Variants in PLEKHA8 observed in about 807,000 individuals in gnomAD.
PLEKHA8 encodes the protein pleckstrin homology domain containing A8, also known as pleckstrin homology domain-containing family A member 8.
Under a neutral mutation model 68.2 loss-of-function variants are expected in PLEKHA8, and 36 were observed. The observed-to-expected ratio is 0.53, with a 90% CI of 0.40 to 0.70. The LOEUF (loss-of-function observed/expected upper bound fraction) is 0.70, where lower values mean the gene tolerates loss of function less well. Among genes scored for constraint, PLEKHA8 ranks in the 30% least tolerant of loss-of-function variants. The pLI, the probability that PLEKHA8 is intolerant of heterozygous loss-of-function variation, is 0.00. For missense variants in PLEKHA8, 505 were observed against 615.4 expected, an observed-to-expected ratio of 0.82 and a Z score of 1.90; for synonymous variants, 211 against 216.1, an observed-to-expected ratio of 0.98 and a Z score of 0.20.
At chr7:30,118,897 GA>G (rs1196934411) in intron 13 of PLEKHA8, among the ~76,000 whole-genome samples, 3 of 152,214 alleles carry the variant, frequency 2.0e-5, no homozygotes, top group Admixed American at 2.0e-4. Context: ...TAAGTTACGT[GA>G]CACAGTTTTA....
chr7:30,107,163 A>C (rs943857911), intron 13 of PLEKHA8, among the ~76,000 whole-genome samples: 12 of 152,130 alleles, frequency 7.9e-5, no homozygotes, highest in African/African-American at 2.9e-4. Context: ...CTACCAATGA[A>C]TATAGTTTAT....
chr7:30,060,966 TG>T, intron 10 of PLEKHA8, 24 bp downstream of exon 10: 1 of 1,604,440 alleles, frequency 6.2e-7, no homozygotes, highest in Non-Finnish European at 8.5e-7. Context: ...TTTGTCTCTG[TG>T]GAAACTTTTA....
In PLEKHA8 at chr7:30,079,569, C is replaced by A. The variant is rs772974853; in HGVS notation, c.*782C>A. 8.3e-5 allele frequency: 73 copies of A among 882,562 alleles called. No individual in the cohort carries two copies. Among genetic ancestry groups the A allele is most frequent in the Admixed American group, 1.2e-4 (2 of 16,114 alleles). The allele number at this position is 882,562 out of a possible 1,614,324, so 54.7% of individuals were successfully genotyped here. ...AATTGGACATCACAAGTAATGATAC[C>A]CAGAGGGATTATTACTCCACTTCAA... On this transcript the variant is annotated 3_prime_UTR_variant, in exon 14 of 14. Transcript: ENST00000449726.
chr7:30,034,473 A>G (rs1443837061), intron 1 of PLEKHA8, among the ~76,000 whole-genome samples: 1 of 152,224 alleles, frequency 6.6e-6, no homozygotes, highest in Non-Finnish European at 1.5e-5. Context: ...CGAATAACCA[A>G]AAGCCTTATG....
intron 11 of PLEKHA8, among the ~76,000 whole-genome samples, 153 bp downstream of exon 11, chr7:30,062,180 A>AT (rs373451890): frequency 0.02 from 2,958 of 149,314 alleles, 44 homozygotes; most frequent in East Asian, 0.041. Flanking sequence ...ATACCACCTT[A>AT]TTTTTTTTTT....
chr7:30,118,032 G>GACATGA lies in PLEKHA8; in HGVS notation c.1363-11234_1363-11233insACATGA. ...TCACTCAGAATCAGGCGGGTGCAGA[G>GACATGA]TGGCCTGCAGGACATGATGACCCAG... On this transcript the variant is annotated intron_variant, in intron 13 of 13. Transcript: ENST00000396257. 5 of 1,516,312 alleles carry GACATGA rather than the reference G, an allele frequency of 3.3e-6. No individual in the cohort carries two copies. The South Asian group carries it at 6.2e-5, about 19-fold the overall frequency. 93.9% of individuals were successfully genotyped at this position (1,516,312 alleles called of 1,614,324 possible). A position where few individuals can be genotyped will look rare whatever the true frequency, so the allele number is the denominator to read the frequency against.
exon 13 of PLEKHA8, chr7:30,090,323 G>A (rs1435810237): frequency 8.5e-6 from 8 of 944,970 alleles, no homozygotes; most frequent in Admixed American, 2.9e-5. Context: ...GAGTATTTCC[G>A]AAGTTCTGAG....
intron 1 of PLEKHA8, among the ~76,000 whole-genome samples, chr7:30,044,032 AT>A (rs199681554): frequency 3.4e-3 from 460 of 135,004 alleles, no homozygotes; most frequent in Middle Eastern, 3.8e-3. Context: ...GTCAGGGATG[AT>A]TTTTTTTTTT....
Position 30,082,113 on chromosome 7 carries a change from C to T in PLEKHA8, c.*3326C>T, listed in dbSNP as rs912540281. Reference sequence around the variant, plus strand: ...TGAGCCTGTGGGCCCAAGACATTGACTTCGAAGGGTAGTTCTCATTAGGAT... The same window carrying T: ...TGAGCCTGTGGGCCCAAGACATTGATTTCGAAGGGTAGTTCTCATTAGGAT... On this transcript the variant is annotated 3_prime_UTR_variant, in exon 14 of 14. Coordinates refer to ENST00000449726, the MANE Select transcript of PLEKHA8 (RefSeq NM_001197026.2). 9.1e-6 allele frequency: 9 copies of T among 985,256 alleles called. No homozygotes were observed. In the African/African-American group the frequency reaches 1.6e-4, roughly 17 times the overall value. The allele number at this position is 985,256 out of a possible 1,614,324, so 61.0% of individuals were successfully genotyped here.
chr7:30,100,914 G>T (rs1795827715), intron 13 of PLEKHA8, among the ~76,000 whole-genome samples: 1 of 152,166 alleles, frequency 6.6e-6, no homozygotes, highest in African/African-American at 2.4e-5. Flanking sequence ...TTGCAGCTGG[G>T]CATGGTGGCT....
chr7:30,116,778 C>T (rs1200941005), intron 13 of PLEKHA8, among the ~76,000 whole-genome samples: 2 of 152,210 alleles, frequency 1.3e-5, no homozygotes, highest in Non-Finnish European at 2.9e-5. Context: ...GAAAATTGCT[C>T]TCTGAGCAAA....
rs550336717 is a variant in PLEKHA8, at chr7:30,048,940, T to G, written c.439-284T>G. On this transcript the variant is annotated intron_variant, in intron 4 of 13. Coordinates refer to ENST00000449726, the MANE Select transcript of PLEKHA8 (RefSeq NM_001197026.2). Reference sequence around the variant, plus strand: ...AGTGATTCTCAAGGAGAGATACTTTTGGTTGTCATGACTGAGGGAGTTACA... The same window carrying G: ...AGTGATTCTCAAGGAGAGATACTTTGGGTTGTCATGACTGAGGGAGTTACA... Among the ~76,000 whole-genome samples the G allele has an allele frequency of 4.6e-5, 7 of 152,332 alleles. No homozygotes were observed. The East Asian group carries it at 1.3e-3, about 29-fold the overall frequency.
intron 13 of PLEKHA8, among the ~76,000 whole-genome samples, chr7:30,076,132 A>G (rs1794596590): frequency 6.6e-6 from 1 of 151,986 alleles, no homozygotes; most frequent in Admixed American, 6.6e-5. Context: ...CTTACTCTGT[A>G]TATGTATATA....
chr7:30,038,072 A>G (rs1042759327), intron 1 of PLEKHA8, among the ~76,000 whole-genome samples: 20 of 152,206 alleles, frequency 1.3e-4, no homozygotes, highest in African/African-American at 4.8e-4. Flanking sequence ...AAAGTTCTGA[A>G]GGAACTGTGG....
chr7:30,087,196 T>C (rs1795218459), downstream of PLEKHA8, among the ~76,000 whole-genome samples: 1 of 152,212 alleles, frequency 6.6e-6, no homozygotes, highest in Non-Finnish European at 1.5e-5. Flanking sequence ...CCTTAGACAG[T>C]GAATTCCCTC....
chr7:30,036,269 T>G (rs1310124661), intron 1 of PLEKHA8, among the ~76,000 whole-genome samples: 2 of 151,704 alleles, frequency 1.3e-5, no homozygotes, highest in Non-Finnish European at 2.9e-5. Flanking sequence ...GAGACTCTGT[T>G]GCAAATAAAT....
chr7:30,113,793 G>T (rs1796342535), intron 13 of PLEKHA8, among the ~76,000 whole-genome samples: 1 of 152,036 alleles, frequency 6.6e-6, no homozygotes, highest in Admixed American at 6.6e-5. Flanking sequence ...TTCCTCAGAT[G>T]GGACTTCTAA....
intron 13 of PLEKHA8, among the ~76,000 whole-genome samples, chr7:30,076,899 T>C (rs1192608122): frequency 6.6e-6 from 1 of 152,178 alleles, no homozygotes; most frequent in African/African-American, 2.4e-5. Flanking sequence ...GAATTTGACT[T>C]ATTTATCAGC....
At position 30,054,770 on chromosome 7, in the gene PLEKHA8, G is replaced by A. The variant is rs1792695948; in HGVS notation, c.858G>A (p.Leu286=). 1.2e-6 allele frequency: 2 copies of A among 1,607,294 alleles called. No individual in the cohort carries two copies. Among genetic ancestry groups the A allele is most frequent in the African/African-American group, 2.7e-5 (2 of 74,832 alleles). ...MENLKNHDNN[L]TQSGSDSSCS... is the part of the protein sequence containing the mutation. ...ACCTGAAAAATCATGACAATAACTT[G>A]ACTCAGTCTGGATCAGACTCAAGTT... Residue 286 remains leucine (L), a synonymous_variant, in exon 8 of 14, where the codon TTG becomes TTA. Transcript: ENST00000449726.
Sources: allele counts gnomAD v4.1 joint callset (sites outside exome capture counted in the v4.1 genomes callset), GRCh38; gene constraint gnomAD v4.1.1; transcripts MANE v1.5; gene names NCBI Gene and HGNC (gene_info 2026-07-23, HGNC 2026-07-21).